The following CREBBP variants were observed in gnomAD, a reference collection of about 807,000 sequenced individuals.
CREBBP encodes CREB-binding protein.
A neutral mutation model predicts 265.0 loss-of-function variants in CREBBP; 19 were observed. That is an observed-to-expected ratio of 0.07 (90% CI 0.05 to 0.11). The LOEUF (loss-of-function observed/expected upper bound fraction) is 0.11. CREBBP is among the 10% of genes least tolerant of loss of function. The pLI is 1.00. For synonymous variants in CREBBP, 1,457 were observed against 1,223.7 expected (o/e 1.19, Z -3.98); for missense variants, 2,525 against 3,219.0 (o/e 0.78, Z 5.22).
intron 4 of CREBBP, among the ~76,000 whole-genome samples, chr16:3,792,797 G>A (rs948136554): frequency 6.6e-6 from 1 of 152,250 alleles, no homozygotes; most frequent in South Asian, 2.1e-4. Context: ...CGGTAGAAAT[G>A]AGGTGTCTGC....
intron 1 of CREBBP, among the ~76,000 whole-genome samples, chr16:3,853,090 T>C (rs981769553): frequency 6.6e-6 from 1 of 152,160 alleles, no homozygotes; most frequent in Non-Finnish European, 1.5e-5. Context: ...ATTAGTGATG[T>C]GACCTTGGTA....
At chr16:3,848,316 C>T (rs2054712143) in intron 2 of CREBBP, among the ~76,000 whole-genome samples, 1 of 152,144 alleles carries the variant, frequency 6.6e-6, no homozygotes, top group Non-Finnish European at 1.5e-5. Context: ...CTTCTACATA[C>T]ATGTTATCAA....
chr16:3,758,181 T>A lies in CREBBP; in HGVS notation c.3370-133A>T, dbSNP rs746396729. ...AACTTCCATTCCCAACAGTAAGAAA[T>A]AGGAAATGAAAAGAAAATAACCTCT... On this transcript the variant is annotated intron_variant, in intron 17 of 30. Transcript: ENST00000262367. The A allele has an allele frequency of 7.4e-6, 7 of 944,590 alleles. No individual in the cohort carries two copies. In the South Asian group the frequency reaches 7.9e-5, roughly 11 times the overall value. The allele number at this position is 944,590 out of a possible 1,614,324, so 58.5% of individuals were successfully genotyped here.
rs772655894 is a variant in CREBBP at position 3,782,862 on chromosome 16, C to T, written c.1395G>A (p.Gln465=). The T allele has an allele frequency of 6.2e-7, 1 of 1,614,228 alleles. No individual in the cohort carries two copies. Among genetic ancestry groups the T allele is most frequent in the East Asian group, 2.2e-5 (1 of 44,886 alleles). ...NTIGSVGTGQ[Q]NATSLSNPNP... ...TTGGGTTACTTAAAGAAGTGGCATT[C>T]TGTTGCCCTGTGCCAACAGAACCAA... is the stretch of plus-strand genomic sequence containing the variant. Residue 465 remains glutamine (Q), a synonymous_variant, in exon 6 of 31, where the codon CAG becomes CAA. Transcript: ENST00000262367.
At chr16:3,778,919 C>A in intron 8 of CREBBP, 102 bp from the exon 9 acceptor site, 2 of 946,988 alleles carry the variant, frequency 2.1e-6, no homozygotes, top group South Asian at 2.6e-5. Context: ...GTAATCCCAG[C>A]ACTTTGGGAG....
At chr16:3,832,015 G>GA (rs1368498031) in intron 2 of CREBBP, among the ~76,000 whole-genome samples, 1 of 150,208 alleles carries the variant, frequency 6.7e-6, no homozygotes, top group African/African-American at 2.4e-5. Context: ...AAAAAAGAAA[G>GA]AAAAAAAAGA....
In CREBBP at chr16:3,868,543, T is replaced by TA. The variant is rs202165384; in HGVS notation, c.85+11288dup. Among the ~76,000 whole-genome samples the TA allele has an allele frequency of 7.0e-3, 1,051 of 151,218 alleles. 9 individuals carry two copies. The highest frequency in any genetic ancestry group is 0.017 in the Middle Eastern group (5 of 290). On this transcript the variant is annotated intron_variant, in intron 1 of 30. Coordinates refer to ENST00000262367, the MANE Select transcript of CREBBP (RefSeq NM_004380.3). ...AAGCTTAATTTTGTTTTATAAGCCC[T>TA]AAAAAAAAATAATAACCTGGACTCC... is the stretch of plus-strand genomic sequence containing the variant.
chr16:3,879,965 G>A lies in CREBBP; in HGVS notation c.-49C>T, dbSNP rs2141617180. 1 of 1,562,938 alleles carries A rather than the reference G, an allele frequency of 6.4e-7. No homozygotes were observed. Among genetic ancestry groups the A allele is most frequent in the Non-Finnish European group, 8.7e-7 (1 of 1,149,030 alleles). On this transcript the variant is annotated 5_prime_UTR_variant, in exon 1 of 31. Coordinates refer to ENST00000262367, the MANE Select transcript of CREBBP (RefSeq NM_004380.3). ...CCCGGGCACGGGCGGCCGGGCCGGC[G>A]AGGGCCCGGACGGGGGTCGGGGGCC... is the stretch of plus-strand genomic sequence containing the variant.
intron 5 of CREBBP, among the ~76,000 whole-genome samples, chr16:3,787,483 C>T (rs2053413507): frequency 6.6e-6 from 1 of 152,144 alleles, no homozygotes; most frequent in Admixed American, 6.5e-5. Flanking sequence ...CATCCCACTA[C>T]AGTCTGTCAA....
At chr16:3,793,342 T>A in intron 4 of CREBBP, 44 bp downstream of exon 4, 2 of 1,612,920 alleles carry the variant, frequency 1.2e-6, no homozygotes, top group Middle Eastern at 1.6e-4. Flanking sequence ...AAAGGCAAAT[T>A]CTTCCTGACC....
intron 13 of CREBBP, 42 bp downstream of exon 13, chr16:3,773,709 T>C (rs750268402): frequency 6.2e-7 from 1 of 1,602,784 alleles, no homozygotes; most frequent in South Asian, 1.1e-5. Flanking sequence ...AACACAAGAA[T>C]TTTATTTCCT....
At chr16:3,836,446 A>G (rs536817900) in intron 2 of CREBBP, among the ~76,000 whole-genome samples, 1 of 150,574 alleles carries the variant, frequency 6.6e-6, no homozygotes, top group East Asian at 1.9e-4. Context: ...AAAAAAAAAA[A>G]AAAGAAAAAA....
At chr16:3,782,418 A>AT (rs1229736441) in intron 6 of CREBBP, among the ~76,000 whole-genome samples, 2 of 152,242 alleles carry the variant, frequency 1.3e-5, no homozygotes, top group Non-Finnish European at 2.9e-5. Flanking sequence ...TCTGAGGCAC[A>AT]TGGCACATTC....
intron 3 of CREBBP, among the ~76,000 whole-genome samples, chr16:3,806,089 A>G (rs2053824496): frequency 6.6e-6 from 1 of 152,162 alleles, no homozygotes; most frequent in Non-Finnish European, 1.5e-5. Flanking sequence ...GGGGCCATGG[A>G]CAGGTGCTGA....
intron 15 of CREBBP, 50 bp downstream of exon 15, chr16:3,769,124 G>A (rs1342083465): frequency 6.2e-7 from 1 of 1,607,276 alleles, no homozygotes; most frequent in Non-Finnish European, 8.5e-7. Flanking sequence ...GAGGACACCT[G>A]GGTAAAGTTG....
rs766050154 is a variant in CREBBP, at chr16:3,778,060, C to G, written c.2064G>C (p.Pro688=). The G allele has an allele frequency of 1.2e-6, 2 of 1,614,100 alleles. No individual in the cohort carries two copies. The highest frequency in any genetic ancestry group is 2.7e-5 in the African/African-American group (2 of 74,930). ...GTGGAATCACAGGGGGCTGAGCCCC[C>G]GGGGCTGGTAAGGCTGGCTGGTTCC... is the stretch of plus-strand genomic sequence containing the variant. The part of the protein sequence containing the change: ...ILGNQPALPA[P]GAQPPVIPQA... The change falls in exon 10 of 31, where the codon CCG becomes CCC. Residue 688 remains proline, a synonymous_variant. Coordinates refer to ENST00000262367, the MANE Select transcript of CREBBP (RefSeq NM_004380.3).
In CREBBP at chr16:3,849,784, G is replaced by A. The variant is rs548414890; in HGVS notation, c.798+513C>T. The stretch of plus-strand genomic sequence containing the variant: ...TGCTGCTGCTGCTGCTGGTCCAGGG[G>A]ACCCCACTTGAAGAACCACTGCACT... On this transcript the variant is annotated intron_variant, in intron 2 of 30. Transcript: ENST00000262367. Among the ~76,000 whole-genome samples, 10 of 152,040 alleles carry A rather than the reference G, an allele frequency of 6.6e-5. No individual in the cohort carries two copies. The East Asian group carries it at 1.4e-3, about 21-fold the overall frequency.
At chr16:3,846,213 A>C (rs2054664974) in intron 2 of CREBBP, among the ~76,000 whole-genome samples, 1 of 152,244 alleles carries the variant, frequency 6.6e-6, no homozygotes, top group Non-Finnish European at 1.5e-5. Context: ...ATTATGAACA[A>C]TCAGTAAAAT....
intron 14 of CREBBP, 45 bp downstream of exon 14, chr16:3,770,525 T>C: frequency 6.2e-7 from 1 of 1,600,938 alleles, no homozygotes; most frequent in Non-Finnish European, 8.5e-7. Flanking sequence ...GAAAATTATC[T>C]TCTAAGAGTC....
Sources: allele counts gnomAD v4.1 joint callset (sites outside exome capture counted in the v4.1 genomes callset), GRCh38; gene constraint gnomAD v4.1.1; transcripts MANE v1.5; gene names NCBI Gene and HGNC (gene_info 2026-07-23, HGNC 2026-07-21).